The following ADGRF5 variants were observed in gnomAD, a reference collection of about 807,000 sequenced individuals.
ADGRF5 encodes the protein G-protein coupled receptor 116.
In ADGRF5, 75 loss-of-function variants were observed where a neutral mutation model predicts 132.3. The ratio of observed to expected loss-of-function variants is 0.57; its 90% CI spans 0.47 to 0.69. The LOEUF is 0.69. ADGRF5 is among the 30% of genes least tolerant of loss of function. The pLI is 0.00. For synonymous variants in ADGRF5, 629 were observed against 597.6 expected (o/e 1.05, Z -0.77); for missense variants, 1,516 against 1,630.6 (o/e 0.93, Z 1.21).
intron 1 of ADGRF5, among the ~76,000 whole-genome samples, chr6:46,928,032 C>T (rs1777342959): frequency 6.6e-6 from 1 of 152,154 alleles, no homozygotes; most frequent in Admixed American, 6.5e-5. Context: ...TGACTCTAAC[C>T]AGGGAAATAC....
chr6:46,854,980 A>G (rs1768876486), intron 20 of ADGRF5, among the ~76,000 whole-genome samples: 2 of 152,210 alleles, frequency 1.3e-5, no homozygotes, highest in Admixed American at 1.3e-4. Flanking sequence ...CTTCATCTGG[A>G]ATATTGATGC....
intron 1 of ADGRF5, among the ~76,000 whole-genome samples, chr6:46,936,934 C>A (rs1236044904): frequency 2.0e-5 from 3 of 152,204 alleles, no homozygotes; most frequent in Admixed American, 6.5e-5. Context: ...GGGGATCCCC[C>A]TCTCCCATAG....
At position 46,953,651 on chromosome 6, in the gene ADGRF5, G is replaced by GTATATATATATATA. The variant is rs61302381; in HGVS notation, c.-25+1069_-25+1082dup. 2.8e-4 allele frequency among the ~76,000 whole-genome samples: 12 copies of GTATATATATATATA among 42,190 alleles called. 1 individual carries two copies. Among genetic ancestry groups the GTATATATATATATA allele is most frequent in the African/African-American group, 4.2e-4 (6 of 14,260 alleles). 27.7% of individuals were successfully genotyped at this position (42,190 alleles called of 152,430 possible). ...AAATTATATATATATAGATATATGTGTATATATATATATATATATATATAT... is the reference window on the plus strand; with the variant it reads ...AAATTATATATATATAGATATATGTGTATATATATATATATATATATATATATATATATATATAT... On this transcript the variant is annotated intron_variant, in intron 1 of 20. Transcript: ENST00000265417.
intron 8 of ADGRF5, among the ~76,000 whole-genome samples, chr6:46,880,948 AT>A (rs1169406209): frequency 6.6e-6 from 1 of 151,718 alleles, no homozygotes; most frequent in East Asian, 1.9e-4. Flanking sequence ...AAAAAAAAAA[AT>A]GTTAGCTGAG....
In ADGRF5 at chr6:46,888,328, T is replaced by C. The variant is rs759443330; in HGVS notation, c.328+7A>G. On this transcript the variant is annotated splice_region_variant and intron_variant, in intron 4 of 20. Coordinates refer to ENST00000283296, the MANE Select transcript of ADGRF5 (RefSeq NM_001098518.2). ...ATTTATTCTGAAGCAATGGGTCTCT[T>C]ACTCACCTGTTGTCACATTTATGCT... 1.9e-6 allele frequency: 3 copies of C among 1,591,540 alleles called. No individual in the cohort carries two copies. The highest frequency in any genetic ancestry group is 3.3e-5 in the Admixed American group (2 of 59,974).
chr6:46,940,777 A>G (rs1778018983), intron 1 of ADGRF5, among the ~76,000 whole-genome samples: 2 of 152,248 alleles, frequency 1.3e-5, no homozygotes, highest in African/African-American at 4.8e-5. Flanking sequence ...GACCCCTTAC[A>G]GACAAAAATG....
At chr6:46,897,835 C>T (rs909784305) in intron 3 of ADGRF5, among the ~76,000 whole-genome samples, 6 of 152,186 alleles carry the variant, frequency 3.9e-5, no homozygotes, top group East Asian at 3.9e-4. Context: ...TGAGCCACCA[C>T]GCTGAGTCAT....
At chr6:46,883,458 G>T (rs987157153) in intron 6 of ADGRF5, 101 bp downstream of exon 6, 3 of 664,726 alleles carry the variant, frequency 4.5e-6, no homozygotes, top group East Asian at 2.8e-5. Context: ...ATCCACATCC[G>T]TAAATTCTGA....
At chr6:46,913,558 G>A (rs1331586095) in intron 1 of ADGRF5, among the ~76,000 whole-genome samples, 1 of 152,008 alleles carries the variant, frequency 6.6e-6, no homozygotes, top group Non-Finnish European at 1.5e-5. Flanking sequence ...GTGCCAAGAA[G>A]TCCATTAAGG....
rs537113725 is a variant in ADGRF5, at chr6:46,878,365, A to G, written c.1077T>C (p.Tyr359=). ...VCKLILDIFE[Y]ECKKKIDVMP... ...TAACATCTATTTTCTTCTTGCACTCATATTCAAAAATGTCTAATATCAGTT... is the reference window on the plus strand; with the variant it reads ...TAACATCTATTTTCTTCTTGCACTCGTATTCAAAAATGTCTAATATCAGTT... The change falls in exon 10 of 21, where the codon TAT becomes TAC. Residue 359 remains tyrosine, a synonymous_variant. Coordinates refer to ENST00000283296, the MANE Select transcript of ADGRF5 (RefSeq NM_001098518.2). 1.9e-6 allele frequency: 3 copies of G among 1,612,082 alleles called. No individual in the cohort carries two copies. The African/African-American group carries it at 4.0e-5, about 21-fold the overall frequency.
chr6:46,884,037 C>G (rs1275552201), intron 5 of ADGRF5, 58 bp downstream of exon 5: 5 of 1,354,504 alleles, frequency 3.7e-6, no homozygotes, highest in Non-Finnish European at 5.2e-6. Context: ...CCACCATGCC[C>G]AGTCGTAAAC....
rs750452797 is a variant in ADGRF5 at position 46,884,098 on chromosome 6, C to G, written c.502G>C (p.Glu168Gln). Residue 168 changes from glutamate to glutamine, a missense_variant, in exon 5 of 21, where the codon GAA (glutamate) becomes CAA (glutamine). Glu to Gln is a conservative substitution (Grantham distance 29). Around this residue, in one of 2 missense-constraint regions of ADGRF5, gnomAD observed 945 missense variants for 929.4 expected, o/e 1.02. Transcript: ENST00000283296. ...PPNGPFCLLQ[E>Q]DVTLNMRVRL... ...CATTTAATGAGCAGTTACTTACCTT[C>G]CTGAAGCAGGCAAAAAGGTCCATTG... 1 of 1,613,320 alleles carries G rather than the reference C, an allele frequency of 6.2e-7. No homozygotes were observed. The highest frequency in any genetic ancestry group is 8.5e-7 in the Non-Finnish European group (1 of 1,179,392).
Position 46,853,923 on chromosome 6 carries a change from T to C in ADGRF5, c.*69A>G, listed in dbSNP as rs1768745505. 2.7e-6 allele frequency: 3 copies of C among 1,102,764 alleles called. No homozygotes were observed. Among genetic ancestry groups the C allele is most frequent in the Non-Finnish European group, 4.0e-6 (3 of 744,680 alleles). The allele number at this position is 1,102,764 out of a possible 1,614,324, so 68.3% of individuals were successfully genotyped here. ...CCCGAGAACACGTTCCCCATTGCTT[T>C]GCAAGCATCTCTTTTTAAAAGCACA... On this transcript the variant is annotated 3_prime_UTR_variant, in exon 21 of 21. Coordinates refer to ENST00000283296, the MANE Select transcript of ADGRF5 (RefSeq NM_001098518.2).
At chr6:46,885,636 G>T (rs532579019) in intron 4 of ADGRF5, among the ~76,000 whole-genome samples, 6 of 152,246 alleles carry the variant, frequency 3.9e-5, no homozygotes, top group African/African-American at 1.4e-4. Flanking sequence ...GTCAACCTTG[G>T]CATTGCAGTG....
At chr6:46,872,646 G>A (rs140228489) in intron 10 of ADGRF5, among the ~76,000 whole-genome samples, 3 of 152,128 alleles carry the variant, frequency 2.0e-5, no homozygotes, top group African/African-American at 4.8e-5. Context: ...CTTCAAAATA[G>A]CTCCCTTTCC....
At chr6:46,953,668 T>A (rs1367406791) in intron 1 of ADGRF5, among the ~76,000 whole-genome samples, 1 of 132,458 alleles carries the variant, frequency 7.5e-6, no homozygotes, top group African/African-American at 3.0e-5. Context: ...TATATATATA[T>A]ATATATATAT....
chr6:46,920,540 A>G (rs1776832170), intron 1 of ADGRF5, among the ~76,000 whole-genome samples: 11 of 131,534 alleles, frequency 8.4e-5, no homozygotes, highest in South Asian at 2.6e-4. Flanking sequence ...GGGGGGGAAG[A>G]GAGTGTATAT....
In ADGRF5 at chr6:46,858,362, T is replaced by C; in HGVS notation, c.3541A>G (p.Ile1181Val). ...ATGGTTATGTTCACCACCACAATGA[T>C]CAGTGCTGGGATGGCGAAAGCCAGC... ...ALLAFAIPAL[I>V]IVVVNITITI... is the part of the protein sequence containing the mutation. Residue 1181 changes from isoleucine (I) to valine (V), a missense_variant, in exon 17 of 21, where the codon ATC (isoleucine) becomes GTC (valine). This residue lies in a region of ADGRF5 where 571 missense variants were observed against 701.2 expected (regional missense o/e 0.81). Coordinates refer to ENST00000283296, the MANE Select transcript of ADGRF5 (RefSeq NM_001098518.2). 6.2e-7 allele frequency: 1 copy of C among 1,613,922 alleles called. No homozygotes were observed. Among genetic ancestry groups the C allele is most frequent in the Non-Finnish European group, 8.5e-7 (1 of 1,179,882 alleles).
At position 46,902,121 on chromosome 6, in the gene ADGRF5, G is replaced by A. The variant is rs115737177; in HGVS notation, c.103-2038C>T. ...AGTTATTTTAGATGTACTTGAATAT[G>A]CAGGAACTGAAGGTGCAAAGTCAAT... On this transcript the variant is annotated intron_variant, in intron 2 of 20. Coordinates refer to ENST00000283296, the MANE Select transcript of ADGRF5 (RefSeq NM_001098518.2). Among the ~76,000 whole-genome samples, 1,329 of 152,348 alleles carry A rather than the reference G, an allele frequency of 8.7e-3. 15 individuals carry two copies. The highest frequency in any genetic ancestry group is 0.029 in the African/African-American group (1,191 of 41,582).
Sources: gnomAD v4.1 joint callset for allele counts (sites outside exome capture counted in the v4.1 genomes callset) on GRCh38, gnomAD v4.1.1 for gene constraint, gnomAD v4.1.1 regional missense constraint, MANE v1.5 for transcripts, NCBI Gene and HGNC (gene_info 2026-07-23, HGNC 2026-07-21) for gene names.